Variants in GRAMD1B observed in about 807,000 individuals in gnomAD.
GRAMD1B encodes the protein protein Aster-B.
A neutral mutation model predicts 99.7 loss-of-function variants in GRAMD1B; 37 were observed. The ratio of observed to expected loss-of-function variants is 0.37; its 90% CI spans 0.29 to 0.49. The LOEUF (loss-of-function observed/expected upper bound fraction) is 0.49, where lower values mean the gene tolerates loss of function less well. Among genes scored for constraint, GRAMD1B ranks in the 20% least tolerant of loss-of-function variants. The probability of loss-of-function intolerance (pLI) is 0.98; values close to 1 mark genes in which losing one functional copy is unlikely to be tolerated. For synonymous variants in GRAMD1B, 427 were observed against 387.6 expected (o/e 1.10, Z -1.19); for missense variants, 888 against 1,009.2 (o/e 0.88, Z 1.63).
intron 1 of GRAMD1B, among the ~76,000 whole-genome samples, chr11:123,401,295 A>G (rs1234226985): frequency 2.6e-5 from 4 of 152,180 alleles, no homozygotes; most frequent in Admixed American, 1.3e-4. Context: ...AGCGGAGGGT[A>G]TTTGGCTATT....
At chr11:123,513,547 C>CCTTT (rs1449457088) in intron 2 of GRAMD1B, among the ~76,000 whole-genome samples, 1 of 134,286 alleles carries the variant, frequency 7.4e-6, no homozygotes, top group Non-Finnish European at 1.6e-5. Context: ...TCCTTCCTTT[C>CCTTT]CTTTCTTTCC....
intron 7 of GRAMD1B, among the ~76,000 whole-genome samples, chr11:123,599,976 A>T (rs1592214552): frequency 2.6e-5 from 4 of 152,218 alleles, no homozygotes; most frequent in Non-Finnish European, 5.9e-5. Context: ...TTTAATGGGT[A>T]AACTCCACAA....
intron 2 of GRAMD1B, among the ~76,000 whole-genome samples, chr11:123,526,414 G>A (rs1490401092): frequency 6.6e-6 from 1 of 152,158 alleles, no homozygotes; most frequent in East Asian, 1.9e-4. Flanking sequence ...GAGGGGCAGT[G>A]GAGAGAATCA....
chr11:123,449,731 T>TTTTTTTTTTTTTTG (rs1360753936), intron 1 of GRAMD1B, among the ~76,000 whole-genome samples: 1 of 149,340 alleles, frequency 6.7e-6, no homozygotes, highest in African/African-American at 2.5e-5. Context: ...TTTTTTTTTT[T>TTTTTTTTTTTTTTG]GAGACAGGGT....
intron 16 of GRAMD1B, 142 bp from the exon 17 acceptor site, chr11:123,614,603 A>G: frequency 1.8e-6 from 1 of 562,344 alleles, no homozygotes; most frequent in East Asian, 2.9e-5. Context: ...GAGAGCTGGC[A>G]GTCTCCGCAT....
At chr11:123,508,058 C>G (rs185592946) in intron 2 of GRAMD1B, among the ~76,000 whole-genome samples, 1 of 152,216 alleles carries the variant, frequency 6.6e-6, no homozygotes, top group Admixed American at 6.5e-5. Context: ...TCACAGGGCT[C>G]TCAGTATCCA....
At chr11:123,391,011 G>A (rs761109739) in intron 1 of GRAMD1B, among the ~76,000 whole-genome samples, 10 of 152,206 alleles carry the variant, frequency 6.6e-5, no homozygotes, top group Non-Finnish European at 8.8e-5. Flanking sequence ...GAGTGTTACC[G>A]GAGGGACGCA....
At chr11:123,408,451 A>G (rs1947931313) in intron 1 of GRAMD1B, among the ~76,000 whole-genome samples, 1 of 152,264 alleles carries the variant, frequency 6.6e-6, no homozygotes, top group Non-Finnish European at 1.5e-5. Flanking sequence ...ACTGGAACGC[A>G]GAAGTCACTA....
chr11:123,417,935 A>G (rs1251266118), intron 1 of GRAMD1B, among the ~76,000 whole-genome samples: 1 of 151,990 alleles, frequency 6.6e-6, no homozygotes, highest in African/African-American at 2.4e-5. Flanking sequence ...TAATTTTTAA[A>G]ATTATTTTTT....
rs1954122358 is a variant in GRAMD1B, at chr11:123,614,794, C to T, written c.2277C>T (p.His759=). ...CGGAGGACACCCCCAACGGTTTCCA[C>T]CTGCAGAGCGTGTCCAAGCTGCTGC... The part of the protein sequence containing the change: ...HIPEDTPNGF[H]LQSVSKLLLV... The change falls in exon 17 of 20, where the codon CAC becomes CAT. Residue 759 remains histidine (H), a synonymous_variant. Transcript: ENST00000635736. 3.1e-6 allele frequency: 5 copies of T among 1,612,632 alleles called. No homozygotes were observed. Among genetic ancestry groups the T allele is most frequent in the Non-Finnish European group, 3.4e-6 (4 of 1,178,828 alleles).
At chr11:123,577,806 TA>T (rs1948897977) in intron 3 of GRAMD1B, among the ~76,000 whole-genome samples, 1 of 137,054 alleles carries the variant, frequency 7.3e-6, no homozygotes, top group East Asian at 2.3e-4. Context: ...GGGAGGCTCA[TA>T]TTTTTTTTTT....
chr11:123,489,052 G>T (rs1473406291), intron 2 of GRAMD1B, among the ~76,000 whole-genome samples: 6 of 152,196 alleles, frequency 3.9e-5, no homozygotes, highest in African/African-American at 1.2e-4. Context: ...AGATTCAGGG[G>T]CCACTGGACT....
At chr11:123,398,242 A>G (rs1266548133) in intron 1 of GRAMD1B, among the ~76,000 whole-genome samples, 3 of 152,226 alleles carry the variant, frequency 2.0e-5, no homozygotes, top group African/African-American at 7.2e-5. Flanking sequence ...TAAAAACTAT[A>G]TTTCTTACAG....
At chr11:123,604,842 A>G (rs1952482173) in intron 9 of GRAMD1B, among the ~76,000 whole-genome samples, 1 of 152,124 alleles carries the variant, frequency 6.6e-6, no homozygotes, top group Non-Finnish European at 1.5e-5. Context: ...TTTTCTTTCT[A>G]GGTGTATAAT....
intron 1 of GRAMD1B, among the ~76,000 whole-genome samples, chr11:123,444,448 C>T (rs1487360686): frequency 1.3e-5 from 2 of 151,744 alleles, no homozygotes; most frequent in Non-Finnish European, 2.9e-5. Flanking sequence ...GTTGTGACTG[C>T]ACCACTGCAC....
chr11:123,413,924 G>T (rs1012946864), intron 1 of GRAMD1B, among the ~76,000 whole-genome samples: 2 of 152,164 alleles, frequency 1.3e-5, no homozygotes, highest in African/African-American at 4.8e-5. Flanking sequence ...AGAAGACGCA[G>T]CTCAAGTCAT....
At chr11:123,532,910 TTACTC>T (rs1243557377) in intron 2 of GRAMD1B, among the ~76,000 whole-genome samples, 3 of 152,200 alleles carry the variant, frequency 2.0e-5, no homozygotes, top group Non-Finnish European at 2.9e-5. Context: ...ATCGAGCCCT[TTACTC>T]AAAGTTTGCT....
chr11:123,597,153 G>A (rs1208846190), intron 7 of GRAMD1B, among the ~76,000 whole-genome samples: 1 of 150,106 alleles, frequency 6.7e-6, no homozygotes, highest in Non-Finnish European at 1.5e-5. Context: ...TTTTGAGATG[G>A]GGCCTCACTA....
intron 2 of GRAMD1B, among the ~76,000 whole-genome samples, chr11:123,572,403 T>G (rs1438486059): frequency 1.3e-5 from 2 of 152,258 alleles, no homozygotes. Context: ...AACTTTATGT[T>G]ATGTTATGCA....
Sources: gnomAD v4.1 joint callset for allele counts (sites outside exome capture counted in the v4.1 genomes callset) on GRCh38, gnomAD v4.1.1 for gene constraint, MANE v1.5 for transcripts, NCBI Gene and HGNC (gene_info 2026-07-23, HGNC 2026-07-21) for gene names.